The following RIT2 variants were observed in gnomAD, a reference collection of about 807,000 sequenced individuals.
RIT2 encodes Ras like without CAAX 2.
RIT2 carries 24 observed loss-of-function variants against 23.7 expected under a neutral mutation model. The observed-to-expected ratio is 1.01, with a 90% CI of 0.73 to 1.43. RIT2 has a LOEUF of 1.43. Ranked by LOEUF, RIT2 falls within the 40% of genes most tolerant of loss-of-function variation. The pLI is 0.00. For synonymous variants in RIT2, 107 were observed against 91.1 expected, an observed-to-expected ratio of 1.17 and a Z score of -0.99; for missense variants, 236 against 266.9, an observed-to-expected ratio of 0.88 and a Z score of 0.81.
intron 3 of RIT2, among the ~76,000 whole-genome samples, chr18:42,960,839 C>G (rs1053634021): frequency 3.2e-4 from 48 of 152,160 alleles, no homozygotes; most frequent in African/African-American, 1.2e-3. Flanking sequence ...AAGGTATACT[C>G]ATCACTTCCT....
intron 3 of RIT2, among the ~76,000 whole-genome samples, chr18:42,950,207 T>A (rs1440272651): frequency 3.9e-5 from 6 of 152,018 alleles, no homozygotes; most frequent in African/African-American, 1.4e-4. Flanking sequence ...AAAAACAGTC[T>A]AATAGACAAA....
chr18:43,002,644 A>T (rs1002426052), intron 2 of RIT2, among the ~76,000 whole-genome samples: 1 of 151,916 alleles, frequency 6.6e-6, no homozygotes, highest in Non-Finnish European at 1.5e-5. Flanking sequence ...TTGATGAGCC[A>T]CCGGGGAGGA....
chr18:42,896,149 A>G (rs1263293720), intron 4 of RIT2, among the ~76,000 whole-genome samples: 1 of 152,206 alleles, frequency 6.6e-6, no homozygotes. Context: ...CTGTAATCCC[A>G]GCTACTGGGG....
In RIT2 at chr18:42,826,500, C is replaced by T. The variant is rs547101132; in HGVS notation, c.427-82780G>A. On this transcript the variant is annotated intron_variant, in intron 4 of 4. Coordinates refer to ENST00000326695, the MANE Select transcript of RIT2 (RefSeq NM_002930.4). ...CCAATCAACCAAACAACCAATCTCTCCCAGCAACCTGAGATAAAGAAACTG... is the reference window on the plus strand; with the variant it reads ...CCAATCAACCAAACAACCAATCTCTTCCAGCAACCTGAGATAAAGAAACTG... Among the ~76,000 whole-genome samples the T allele has an allele frequency of 4.6e-5, 7 of 152,182 alleles. No homozygotes were observed. The East Asian group carries it at 1.3e-3, about 29-fold the overall frequency.
chr18:43,064,097 G>A (rs887034419), intron 1 of RIT2, among the ~76,000 whole-genome samples: 1 of 152,118 alleles, frequency 6.6e-6, no homozygotes, highest in Non-Finnish European at 1.5e-5. Context: ...TATTCAATAA[G>A]GTCTGATAAA....
Position 42,996,791 on chromosome 18 carries a change from T to G in RIT2, c.161-22644A>C, listed in dbSNP as rs542669016. Reference sequence around the variant, plus strand: ...CACACAAAGCCTGTTTGGTGGTCTCTTCACATGGATGCGCATGAAAGAAAT... The same window carrying G: ...CACACAAAGCCTGTTTGGTGGTCTCGTCACATGGATGCGCATGAAAGAAAT... On this transcript the variant is annotated intron_variant, in intron 2 of 4. Transcript: ENST00000326695. 3.3e-5 allele frequency among the ~76,000 whole-genome samples: 5 copies of G among 152,314 alleles called. No individual in the cohort carries two copies. The East Asian group carries it at 9.7e-4, about 29-fold the overall frequency.
At chr18:42,837,153 C>CTTTTT (rs570701535) in intron 4 of RIT2, among the ~76,000 whole-genome samples, 690 of 51,712 alleles carry the variant, frequency 0.013, 122 homozygotes, top group Middle Eastern at 0.028. Context: ...TTTTCTTTTT[C>CTTTTT]TTTTTTTTTT....
intron 4 of RIT2, among the ~76,000 whole-genome samples, chr18:42,813,912 TG>T (rs1905920897): frequency 1.3e-5 from 2 of 152,120 alleles, no homozygotes; most frequent in African/African-American, 4.8e-5. Context: ...ACTGTGGAAG[TG>T]GGAATGGGAG....
At chr18:42,853,376 T>A (rs939221731) in intron 4 of RIT2, among the ~76,000 whole-genome samples, 2 of 152,212 alleles carry the variant, frequency 1.3e-5, no homozygotes, top group African/African-American at 4.8e-5. Flanking sequence ...CCCATCCAGG[T>A]CATTGGCATA....
At chr18:42,879,739 T>C (rs1458823958) in intron 4 of RIT2, among the ~76,000 whole-genome samples, 3 of 152,170 alleles carry the variant, frequency 2.0e-5, no homozygotes, top group Non-Finnish European at 4.4e-5. Flanking sequence ...TCACCCAATA[T>C]TGTCTGCTAA....
intron 4 of RIT2, among the ~76,000 whole-genome samples, chr18:42,911,688 T>C (rs1423542104): frequency 1.3e-5 from 2 of 151,982 alleles, no homozygotes; most frequent in Non-Finnish European, 2.9e-5. Context: ...TTCAGTAAGG[T>C]GGAAGGAATA....
At chr18:42,775,698 AAAAT>A (rs35398594) in intron 4 of RIT2, among the ~76,000 whole-genome samples, 141,649 of 148,098 alleles carry the variant, frequency 0.96, 68,083 homozygotes, top group Middle Eastern at 1. Flanking sequence ...CTCCATCTCA[AAAAT>A]AAATAAATAA....
intron 4 of RIT2, among the ~76,000 whole-genome samples, chr18:42,848,797 C>T (rs1906974672): frequency 6.6e-6 from 1 of 151,990 alleles, no homozygotes; most frequent in Non-Finnish European, 1.5e-5. Context: ...AATGGTTATT[C>T]AACTTTAGGA....
At chr18:43,095,827 G>A (rs1237451797) in intron 1 of RIT2, among the ~76,000 whole-genome samples, 1 of 151,898 alleles carries the variant, frequency 6.6e-6, no homozygotes, top group Non-Finnish European at 1.5e-5. Flanking sequence ...AAATACTTAT[G>A]TACAGAATAT....
At chr18:42,925,294 T>C (rs1292516713) in intron 3 of RIT2, among the ~76,000 whole-genome samples, 1 of 152,018 alleles carries the variant, frequency 6.6e-6, no homozygotes, top group African/African-American at 2.4e-5. Context: ...TACTCTGATT[T>C]TGAAATCCTA....
At chr18:42,865,745 G>C (rs1265788621) in intron 4 of RIT2, among the ~76,000 whole-genome samples, 2 of 152,112 alleles carry the variant, frequency 1.3e-5, no homozygotes, top group Non-Finnish European at 2.9e-5. Flanking sequence ...GTTGATGCTA[G>C]AATTTAGAAA....
intron 2 of RIT2, among the ~76,000 whole-genome samples, chr18:43,019,720 C>G (rs980457198): frequency 1.3e-5 from 2 of 151,932 alleles, no homozygotes; most frequent in South Asian, 4.1e-4. Context: ...TGAAAGACAA[C>G]AAATTGAAAA....
chr18:42,888,916 G>A (rs1200525043), intron 4 of RIT2, among the ~76,000 whole-genome samples: 2 of 152,018 alleles, frequency 1.3e-5, no homozygotes, highest in Admixed American at 1.3e-4. Flanking sequence ...CTGGAAGAAG[G>A]AAGGAGGAGA....
intron 1 of RIT2, among the ~76,000 whole-genome samples, chr18:43,085,798 G>A (rs916322495): frequency 5.3e-5 from 8 of 152,114 alleles, no homozygotes; most frequent in African/African-American, 1.9e-4. Context: ...TGTGGTGGGA[G>A]GGACTTAGTG....
Sources: allele counts gnomAD v4.1 joint callset (sites outside exome capture counted in the v4.1 genomes callset), GRCh38; gene constraint gnomAD v4.1.1; transcripts MANE v1.5; gene names NCBI Gene and HGNC (gene_info 2026-07-23, HGNC 2026-07-21).